RPH3A: variants seen among roughly 807,000 people sequenced by gnomAD.
The protein encoded by RPH3A is rabphilin 3A.
A neutral mutation model predicts 102.2 loss-of-function variants in RPH3A; 48 were observed. That is an observed-to-expected ratio of 0.47 (90% CI 0.37 to 0.60). The LOEUF (loss-of-function observed/expected upper bound fraction) is 0.60. Among genes scored for constraint, RPH3A ranks in the 20% least tolerant of loss-of-function variants. The pLI, the probability that RPH3A is intolerant of heterozygous loss-of-function variation, is 0.00. For missense variants in RPH3A, 781 were observed against 910.1 expected (o/e 0.86, Z 1.83); for synonymous variants, 310 against 324.3 (o/e 0.96, Z 0.47).
At chr12:112,781,637 C>A (rs1291462629) in intron 1 of RPH3A, among the ~76,000 whole-genome samples, 1 of 152,222 alleles carries the variant, frequency 6.6e-6, no homozygotes, top group Non-Finnish European at 1.5e-5. Context: ...AAGAACCTCT[C>A]ACCCAGGAAA....
At chr12:112,723,809 A>T (rs1034187727) in intron 1 of RPH3A, among the ~76,000 whole-genome samples, 5 of 152,252 alleles carry the variant, frequency 3.3e-5, no homozygotes, top group Non-Finnish European at 5.9e-5. Flanking sequence ...TTATTACAGT[A>T]GTACAGTATG....
intron 1 of RPH3A, among the ~76,000 whole-genome samples, chr12:112,762,684 T>C (rs1274547075): frequency 6.6e-6 from 1 of 152,246 alleles, no homozygotes; most frequent in African/African-American, 2.4e-5. Context: ...TTGTTTTTGT[T>C]AGATCAATTT....
chr12:112,686,541 C>T (rs1189442156), intron 1 of RPH3A, among the ~76,000 whole-genome samples: 1 of 152,190 alleles, frequency 6.6e-6, no homozygotes, highest in Non-Finnish European at 1.5e-5. Flanking sequence ...TATGAATCAG[C>T]CTGGGCTAGC....
intron 1 of RPH3A, among the ~76,000 whole-genome samples, chr12:112,597,254 G>A (rs1356243138): frequency 1.3e-5 from 2 of 152,148 alleles, no homozygotes; most frequent in African/African-American, 4.8e-5. Context: ...TATAAAAAAG[G>A]GAATGTTTCA....
At chr12:112,763,215 A>G (rs2040866332) in intron 1 of RPH3A, among the ~76,000 whole-genome samples, 2 of 152,248 alleles carry the variant, frequency 1.3e-5, no homozygotes, top group South Asian at 4.1e-4. Flanking sequence ...CACAGTGCCT[A>G]GGACATGGTG....
At chr12:112,776,851 G>A (rs1457562928) in intron 1 of RPH3A, among the ~76,000 whole-genome samples, 3 of 115,418 alleles carry the variant, frequency 2.6e-5, no homozygotes, top group Non-Finnish European at 4.8e-5. Context: ...TCCAGCCTGG[G>A]CGACAGAGTG....
At chr12:112,674,223 A>G (rs1181952892) in intron 1 of RPH3A, among the ~76,000 whole-genome samples, 1 of 152,138 alleles carries the variant, frequency 6.6e-6, no homozygotes, top group South Asian at 2.1e-4. Flanking sequence ...GCACTTGGCT[A>G]ATTTTTCAAT....
intron 1 of RPH3A, among the ~76,000 whole-genome samples, chr12:112,664,778 G>A (rs1003262575): frequency 1.3e-5 from 2 of 152,060 alleles, no homozygotes; most frequent in African/African-American, 4.8e-5. Flanking sequence ...AGCACTGAGA[G>A]GATGGACAGC....
intron 5 of RPH3A, among the ~76,000 whole-genome samples, chr12:112,853,569 C>T (rs1208182772): frequency 6.6e-6 from 1 of 152,172 alleles, no homozygotes; most frequent in Non-Finnish European, 1.5e-5. Flanking sequence ...TGGCTCATGC[C>T]TGTAATCCCA....
intron 19 of RPH3A, 31 bp from the exon 20 acceptor site, chr12:112,894,544 GTCA>G (rs771611636): frequency 6.2e-7 from 1 of 1,602,596 alleles, no homozygotes; most frequent in South Asian, 1.1e-5. Flanking sequence ...TTCATTAAAC[GTCA>G]TCCATAATAG....
intron 2 of RPH3A, among the ~76,000 whole-genome samples, chr12:112,827,736 C>A (rs566919737): frequency 6.6e-6 from 1 of 151,914 alleles, no homozygotes; most frequent in Non-Finnish European, 1.5e-5. Context: ...CATCACACAC[C>A]GGGGCCTATC....
chr12:112,721,355 G>A (rs2040549012), intron 1 of RPH3A, among the ~76,000 whole-genome samples: 1 of 152,176 alleles, frequency 6.6e-6, no homozygotes, highest in African/African-American at 2.4e-5. Context: ...TGATCTGAAA[G>A]GATCTGAGCC....
At chr12:112,892,511 C>T (rs1251092866) in intron 19 of RPH3A, among the ~76,000 whole-genome samples, 1 of 152,206 alleles carries the variant, frequency 6.6e-6, no homozygotes, top group Non-Finnish European at 1.5e-5. Context: ...CACAGTCACC[C>T]ATCAGAGGAG....
At chr12:112,896,557 C>G (rs1049994821) in intron 21 of RPH3A, 93 bp from the exon 22 acceptor site, 2 of 1,487,814 alleles carry the variant, frequency 1.3e-6, no homozygotes, top group Non-Finnish European at 1.8e-6. Flanking sequence ...CTGGGGGTCA[C>G]TGCTTGGTGC....
intron 1 of RPH3A, among the ~76,000 whole-genome samples, chr12:112,740,306 C>T (rs1017204217): frequency 6.6e-5 from 10 of 152,244 alleles, no homozygotes; most frequent in Middle Eastern, 3.4e-3. Context: ...ATGCATTTCC[C>T]GCAACAATTT....
At chr12:112,642,102 C>A (rs754366244) in intron 1 of RPH3A, among the ~76,000 whole-genome samples, 1 of 152,180 alleles carries the variant, frequency 6.6e-6, no homozygotes, top group Non-Finnish European at 1.5e-5. Context: ...AAGAACAAGA[C>A]AGCATTGTTC....
At chr12:112,775,847 A>G (rs1174057598) in intron 1 of RPH3A, among the ~76,000 whole-genome samples, 1 of 152,214 alleles carries the variant, frequency 6.6e-6, no homozygotes, top group Non-Finnish European at 1.5e-5. Flanking sequence ...TTGCAAAGAA[A>G]CATGGTCCTT....
In RPH3A at chr12:112,847,840, C is replaced by G; in HGVS notation, c.228C>G (p.Ile76Met). 1 of 1,613,894 alleles carries G rather than the reference C, an allele frequency of 6.2e-7. No homozygotes were observed. The highest frequency in any genetic ancestry group is 8.5e-7 in the Non-Finnish European group (1 of 1,179,906). ...EKMEEMEQER[I>M]GRLVDRLENM... Reference sequence around the variant, plus strand: ...TGGAAGAGATGGAGCAGGAGCGAATCGGGTGAGGCTTAACGCTTCCCATTC... The same window carrying G: ...TGGAAGAGATGGAGCAGGAGCGAATGGGGTGAGGCTTAACGCTTCCCATTC... The change falls in exon 5 of 22, where the codon ATC (isoleucine) becomes ATG (methionine). Residue 76 changes from isoleucine to methionine, a missense_variant and splice_region_variant. Coordinates refer to ENST00000389385, the MANE Select transcript of RPH3A (RefSeq NM_001143854.2).
At chr12:112,671,636 G>A (rs908117300) in intron 1 of RPH3A, among the ~76,000 whole-genome samples, 7 of 152,114 alleles carry the variant, frequency 4.6e-5, no homozygotes, top group African/African-American at 1.7e-4. Context: ...GAGGGACAAG[G>A]CCTATGTTCC....
Sources: allele counts gnomAD v4.1 joint callset (sites outside exome capture counted in the v4.1 genomes callset), GRCh38; gene constraint gnomAD v4.1.1; transcripts MANE v1.5; gene names NCBI Gene and HGNC (gene_info 2026-07-23, HGNC 2026-07-21).